The following MYO18A variants were observed in gnomAD, a reference collection of about 807,000 sequenced individuals.
MYO18A encodes myosin XVIIIA, also known as unconventional myosin-XVIIIa.
Under a neutral mutation model 235.8 loss-of-function variants are expected in MYO18A, and 78 were observed. That is an observed-to-expected ratio of 0.33 (90% confidence interval 0.28 to 0.40). The LOEUF (loss-of-function observed/expected upper bound fraction) is 0.40, where lower values mean the gene tolerates loss of function less well. Among genes scored for constraint, MYO18A ranks in the 10% least tolerant of loss-of-function variants. MYO18A has a pLI of 1.00. For synonymous variants in MYO18A, 977 were observed against 1,077.8 expected (o/e 0.91, Z 1.83); for missense variants, 2,215 against 2,699.3 (o/e 0.82, Z 3.98).
intron 27 of MYO18A, 71 bp from the exon 28 acceptor site, chr17:29,096,986 G>A (rs1206347854): frequency 2.0e-6 from 3 of 1,465,646 alleles, no homozygotes; most frequent in Non-Finnish European, 2.7e-6. Context: ...GGAGAGGGAA[G>A]TGGGTGAGTG....
chr17:29,153,005 A>G (rs187432311), intron 2 of MYO18A, among the ~76,000 whole-genome samples: 264 of 152,290 alleles, frequency 1.7e-3, no homozygotes, highest in African/African-American at 6.2e-3. Context: ...GTGAACCACC[A>G]TGCCTGGCCA....
At chr17:29,113,918 C>T (rs2066993095) in intron 15 of MYO18A, 93 bp downstream of exon 15, 18 of 1,030,006 alleles carry the variant, frequency 1.7e-5, no homozygotes, top group Non-Finnish European at 5.9e-6. Context: ...AGTGGCACCC[C>T]CAGCAGCAGC....
At chr17:29,169,252 G>A (rs559081548) in intron 1 of MYO18A, among the ~76,000 whole-genome samples, 142 of 152,160 alleles carry the variant, frequency 9.3e-4, no homozygotes, top group African/African-American at 3.1e-3. Flanking sequence ...GGTTTTCACC[G>A]TGTTAGCCAG....
intron 1 of MYO18A, among the ~76,000 whole-genome samples, chr17:29,178,704 A>G (rs1048893353): frequency 3.9e-5 from 6 of 152,184 alleles, no homozygotes; most frequent in Non-Finnish European, 5.9e-5. Flanking sequence ...GCAACTTTCA[A>G]TATCTCCAGA....
Position 29,086,405 on chromosome 17 carries a change from C to T in MYO18A, c.5852+33G>A, listed in dbSNP as rs188154500. 326 of 1,567,602 alleles carry T rather than the reference C, an allele frequency of 2.1e-4. 4 individuals are homozygous for T. In the Admixed American group the frequency reaches 6.0e-3, roughly 29 times the overall value. ...AGAGGTGGTCAAGAGGGCCTCCGTG[C>T]TAGCTGCAGATGCCCCAGAGGCCAC... On this transcript the variant is annotated intron_variant, in intron 39 of 41. Transcript: ENST00000527372.
intron 2 of MYO18A, among the ~76,000 whole-genome samples, chr17:29,147,247 T>G (rs2067867706): frequency 6.6e-6 from 1 of 152,220 alleles, no homozygotes; most frequent in Non-Finnish European, 1.5e-5. Flanking sequence ...TCAGGCATGG[T>G]GGCTTATTCC....
chr17:29,179,656 A>G (rs2068606247), intron 1 of MYO18A, among the ~76,000 whole-genome samples: 1 of 152,130 alleles, frequency 6.6e-6, no homozygotes, highest in Admixed American at 6.6e-5. Context: ...ATTCAGTCTC[A>G]GGGCACAGCC....
At chr17:29,085,379 G>A (rs1039508354) in intron 40 of MYO18A, among the ~76,000 whole-genome samples, 4 of 152,230 alleles carry the variant, frequency 2.6e-5, no homozygotes, top group East Asian at 3.9e-4. Context: ...TGCCCACCAA[G>A]GGTGCACGGG....
At chr17:29,091,150 G>A in intron 34 of MYO18A, 1 of 531,322 alleles carries the variant, frequency 1.9e-6, no homozygotes, top group Non-Finnish European at 3.4e-6. Context: ...CTGGGCCTCT[G>A]AGCTGAATGA....
intron 41 of MYO18A, chr17:29,079,835 C>T: frequency 1.0e-6 from 1 of 986,012 alleles, no homozygotes; most frequent in Middle Eastern, 5.2e-4. Flanking sequence ...TGCCCAGTTT[C>T]TTCACTTTCT....
intron 34 of MYO18A, among the ~76,000 whole-genome samples, chr17:29,092,090 G>A (rs893848391): frequency 1.3e-5 from 2 of 152,190 alleles, no homozygotes; most frequent in African/African-American, 2.4e-5. Context: ...CCAAGCTCCC[G>A]TAGGCAGGTG....
rs1164421974 is a variant in MYO18A, at chr17:29,073,256, C to T, written c.*1514G>A. The T allele has an allele frequency of 6.6e-6, 1 of 152,286 alleles. No individual in the cohort carries two copies. Among genetic ancestry groups the T allele is most frequent in the Non-Finnish European group, 1.5e-5 (1 of 68,100 alleles). 9.4% of individuals were successfully genotyped at this position (152,286 alleles called of 1,614,324 possible). A position where few individuals can be genotyped will look rare whatever the true frequency, so the allele number is the denominator to read the frequency against. On this transcript the variant is annotated 3_prime_UTR_variant, in exon 42 of 42. Transcript: ENST00000527372. ...TGGAGTCTCTGCCACCCTTGCTAAC[C>T]TGAATCACAGTCCCTAGGCTCTTCA...
chr17:29,136,497 C>A (rs372982715), intron 2 of MYO18A, among the ~76,000 whole-genome samples: 1 of 152,006 alleles, frequency 6.6e-6, no homozygotes, highest in Non-Finnish European at 1.5e-5. Context: ...CAGCCATTTC[C>A]AGCAACATTA....
rs191149730 is a variant in MYO18A, at chr17:29,096,244, A to T, written c.4385+517T>A. On this transcript the variant is annotated intron_variant, in intron 28 of 41. Coordinates refer to ENST00000527372, the MANE Select transcript of MYO18A (RefSeq NM_078471.4). ...TCCTAGGGTGTGTGGGTTCCTCAGT[A>T]CTGCTAATGAAGACGTCCCATCCTC... Among the ~76,000 whole-genome samples the T allele has an allele frequency of 5.3e-4, 80 of 152,272 alleles. No individual in the cohort carries two copies. The East Asian group carries it at 0.015, about 28-fold the overall frequency.
intron 41 of MYO18A, chr17:29,079,006 G>A (rs1237259027): frequency 6.6e-6 from 1 of 152,386 alleles, no homozygotes; most frequent in Non-Finnish European, 1.5e-5. Flanking sequence ...GTAGCCCTGG[G>A]AGCCTTGTAC....
At chr17:29,085,769 C>A in intron 39 of MYO18A, 121 bp from the exon 40 acceptor site, 1 of 975,046 alleles carries the variant, frequency 1.0e-6, no homozygotes, top group East Asian at 2.5e-5. Context: ...CCAGCTCTGG[C>A]TGGTTGAGAC....
At chr17:29,103,318 C>T (rs1429742330) in intron 21 of MYO18A, among the ~76,000 whole-genome samples, 1 of 152,224 alleles carries the variant, frequency 6.6e-6, no homozygotes, top group Non-Finnish European at 1.5e-5. Context: ...CACCTTCCAC[C>T]CACTCTCTCC....
chr17:29,115,056 C>A lies in MYO18A; in HGVS notation c.2362G>T (p.Val788Phe). ...GGGTTCTGGAAGCCCGGGGTGTCGA[C>A]AATCATCATGGAGCAGAGTGAGTGC... ...SQHSLCSMMI[V>F]DTPGFQNPEQ... The change falls in exon 14 of 42, where the codon GTC becomes TTC. Residue 788 changes from valine to phenylalanine, a missense_variant. Val to Phe is a conservative substitution (Grantham distance 50). Coordinates refer to ENST00000527372, the MANE Select transcript of MYO18A (RefSeq NM_078471.4). 2 of 1,613,834 alleles carry A rather than the reference C, an allele frequency of 1.2e-6. No individual in the cohort carries two copies. Among genetic ancestry groups the A allele is most frequent in the Non-Finnish European group, 1.7e-6 (2 of 1,179,862 alleles).
In MYO18A at chr17:29,166,699, A is replaced by ATGTCAG; in HGVS notation, c.236_241dup (p.Thr79_Asp80dup). 6.2e-7 allele frequency: 1 copy of ATGTCAG among 1,613,704 alleles called. No homozygotes were observed. Among genetic ancestry groups the ATGTCAG allele is most frequent in the African/African-American group, 1.3e-5 (1 of 74,970 alleles). On this transcript the variant is annotated inframe_insertion, in exon 2 of 42. Coordinates refer to ENST00000527372, the MANE Select transcript of MYO18A (RefSeq NM_078471.4). ...GCTGCCCCGGTTACTATCGGAGTCA[A>ATGTCAG]TGTCAGTCAGGTGCAGGTCAGAGCC... is the stretch of plus-strand genomic sequence containing the variant.
Sources: allele counts gnomAD v4.1 joint callset (sites outside exome capture counted in the v4.1 genomes callset), GRCh38; gene constraint gnomAD v4.1.1; transcripts MANE v1.5; gene names NCBI Gene and HGNC (gene_info 2026-07-23, HGNC 2026-07-21).